Variants in EPM2A observed in about 807,000 individuals in gnomAD.
The protein encoded by EPM2A is laforin.
Under a neutral mutation model 26.5 loss-of-function variants are expected in EPM2A, and 21 were observed. That is an observed-to-expected ratio of 0.79 (90% CI 0.56 to 1.14). The LOEUF (loss-of-function observed/expected upper bound fraction) is 1.14. Ranked by LOEUF, EPM2A falls within the 50% of genes most tolerant of loss-of-function variation. EPM2A has a pLI of 0.00. For missense variants in EPM2A, 458 were observed against 440.8 expected (o/e 1.04, Z -0.35); for synonymous variants, 217 against 177.6 (o/e 1.22, Z -1.76).
intron 4 of EPM2A, among the ~76,000 whole-genome samples, chr6:145,495,659 C>T (rs1226919737): frequency 6.6e-6 from 1 of 152,166 alleles, no homozygotes; most frequent in Non-Finnish European, 1.5e-5. Context: ...CTCACTGCAA[C>T]CTCCACCTCC....
At chr6:145,480,902 T>C (rs1779604701) in intron 4 of EPM2A, among the ~76,000 whole-genome samples, 1 of 152,154 alleles carries the variant, frequency 6.6e-6, no homozygotes, top group Admixed American at 6.6e-5. Flanking sequence ...TATTTGGTGA[T>C]CTTTAATAAT....
At chr6:145,470,419 G>A (rs992579610) in intron 4 of EPM2A, among the ~76,000 whole-genome samples, 1 of 152,032 alleles carries the variant, frequency 6.6e-6, no homozygotes, top group Admixed American at 6.6e-5. Flanking sequence ...TGCCATTCTA[G>A]TATTATGTAG....
At chr6:145,586,099 C>T (rs1213907748) in intron 2 of EPM2A, among the ~76,000 whole-genome samples, 1 of 152,182 alleles carries the variant, frequency 6.6e-6, no homozygotes, top group Non-Finnish European at 1.5e-5. Context: ...CAAGGAGTCT[C>T]CTAGGCTTCA....
At chr6:145,636,299 T>C (rs1383461037) in intron 2 of EPM2A, 1 of 152,134 alleles carries the variant, frequency 6.6e-6, no homozygotes, top group African/African-American at 2.4e-5. Flanking sequence ...TCAGGAGTTC[T>C]AGACAAGCCT....
At chr6:145,606,573 T>A (rs1424068498) in intron 2 of EPM2A, among the ~76,000 whole-genome samples, 1 of 152,182 alleles carries the variant, frequency 6.6e-6, no homozygotes, top group East Asian at 1.9e-4. Context: ...CATAGTTTTT[T>A]ATTGAATATT....
At chr6:145,552,385 A>C (rs1242606202) in intron 2 of EPM2A, among the ~76,000 whole-genome samples, 1 of 152,068 alleles carries the variant, frequency 6.6e-6, no homozygotes, top group Non-Finnish European at 1.5e-5. Flanking sequence ...AATGACAATC[A>C]GAGTGATTTC....
intron 4 of EPM2A, among the ~76,000 whole-genome samples, chr6:145,388,256 A>T (rs1351778624): frequency 6.6e-6 from 1 of 152,152 alleles, no homozygotes; most frequent in African/African-American, 2.4e-5. Flanking sequence ...CTAAGTTCTC[A>T]AAACAACCTG....
intron 2 of EPM2A, among the ~76,000 whole-genome samples, chr6:145,591,665 G>C (rs1781274573): frequency 6.6e-6 from 1 of 152,024 alleles, no homozygotes; most frequent in Non-Finnish European, 1.5e-5. Context: ...AGCAGCAGCA[G>C]ACCTGCACCG....
chr6:145,700,132 T>C (rs1562501340), intron 1 of EPM2A, among the ~76,000 whole-genome samples: 1 of 152,172 alleles, frequency 6.6e-6, no homozygotes, highest in Non-Finnish European at 1.5e-5. Context: ...TTTGGCAGTT[T>C]ATTATACTAT....
At chr6:145,732,528 TTCA>T (rs1270431741) in intron 1 of EPM2A, among the ~76,000 whole-genome samples, 5 of 152,170 alleles carry the variant, frequency 3.3e-5, no homozygotes, top group South Asian at 2.1e-4. Context: ...GCAATATGCA[TTCA>T]TCAAGTAGTG....
intron 2 of EPM2A, among the ~76,000 whole-genome samples, chr6:145,665,446 C>A (rs970870793): frequency 9.5e-6 from 1 of 105,792 alleles, no homozygotes; most frequent in Non-Finnish European, 1.9e-5. Flanking sequence ...CACATACACT[C>A]TCCCAAGACT....
Position 145,626,688 on chromosome 6 carries a change from C to A in EPM2A, c.*728G>T. The A allele has an allele frequency of 1.0e-6, 1 of 983,240 alleles. No individual in the cohort carries two copies. The highest frequency in any genetic ancestry group is 1.2e-6 in the Non-Finnish European group (1 of 827,870). 60.9% of individuals were successfully genotyped at this position (983,240 alleles called of 1,614,324 possible). ...TGGTCATGAGACCTTGGACAAGCTACCTATGCTCATTAAGCCTCAATTTAA... is the reference window on the plus strand; with the variant it reads ...TGGTCATGAGACCTTGGACAAGCTAACTATGCTCATTAAGCCTCAATTTAA... On this transcript the variant is annotated 3_prime_UTR_variant, in exon 4 of 4. Transcript: ENST00000367519.
intron 2 of EPM2A, among the ~76,000 whole-genome samples, chr6:145,617,327 T>A (rs956475873): frequency 2.0e-5 from 3 of 152,210 alleles, no homozygotes; most frequent in Non-Finnish European, 4.4e-5. Context: ...CACATGGAAC[T>A]GTAAGTCCAT....
rs368555944 is a variant in EPM2A at position 145,536,764 on chromosome 6, G to T, written c.341-34189C>A. On this transcript the variant is annotated intron_variant, in intron 2 of 3. Coordinates refer to the EPM2A transcript ENST00000450221. ...GCCCCTTTGTCCTTCTTGGAACTGT[G>T]GAAATAAATGAAAACTAACCAAATG... Among the ~76,000 whole-genome samples, 4 of 152,090 alleles carry T rather than the reference G, an allele frequency of 2.6e-5. No individual in the cohort carries two copies. In the East Asian group the frequency reaches 7.7e-4, roughly 29 times the overall value.
At chr6:145,582,119 A>G (rs1312688181) in intron 2 of EPM2A, among the ~76,000 whole-genome samples, 1 of 152,112 alleles carries the variant, frequency 6.6e-6, no homozygotes, top group Admixed American at 6.5e-5. Context: ...GCTGTGTCCC[A>G]GAGGTTCTGG....
At chr6:145,652,565 T>C (rs1348741682) in intron 2 of EPM2A, among the ~76,000 whole-genome samples, 1 of 152,056 alleles carries the variant, frequency 6.6e-6, no homozygotes, top group Non-Finnish European at 1.5e-5. Flanking sequence ...TATATCCATA[T>C]AGCCAGCACC....
At chr6:145,442,184 C>A (rs908006835) in intron 4 of EPM2A, among the ~76,000 whole-genome samples, 1 of 152,206 alleles carries the variant, frequency 6.6e-6, no homozygotes, top group Non-Finnish European at 1.5e-5. Context: ...AAGTTCCAAA[C>A]TTTCCCACAT....
intron 1 of EPM2A, among the ~76,000 whole-genome samples, chr6:145,710,498 T>C (rs976342749): frequency 2.6e-5 from 4 of 152,112 alleles, no homozygotes; most frequent in Non-Finnish European, 4.4e-5. Context: ...TGTAGAGAAA[T>C]AGGAACACTT....
At chr6:145,665,962 C>A (rs1409443035) in intron 2 of EPM2A, among the ~76,000 whole-genome samples, 1 of 149,474 alleles carries the variant, frequency 6.7e-6, no homozygotes, top group Non-Finnish European at 1.5e-5. Context: ...CAAAATTCAA[C>A]AACCCTTCAT....
Sources: allele counts gnomAD v4.1 joint callset (sites outside exome capture counted in the v4.1 genomes callset), GRCh38; gene constraint gnomAD v4.1.1; transcripts MANE v1.5; gene names NCBI Gene and HGNC (gene_info 2026-07-23, HGNC 2026-07-21).